PSPC1: variants seen among roughly 807,000 people sequenced by gnomAD.
PSPC1 encodes the protein paraspeckle protein 1.
In PSPC1, 14 loss-of-function variants were observed where a neutral mutation model predicts 51.6. The ratio of observed to expected loss-of-function variants is 0.27; its 90% CI spans 0.18 to 0.42. PSPC1 has a LOEUF of 0.42. Ranked by LOEUF, PSPC1 falls within the 10% of genes least tolerant of loss-of-function variation. PSPC1 has a pLI of 1.00. For synonymous variants in PSPC1, 193 were observed against 231.9 expected (o/e 0.83, Z 1.53); for missense variants, 406 against 701.1 (o/e 0.58, Z 4.75).
At chr13:19,695,062 T>A (rs888041715) in intron 6 of PSPC1, among the ~76,000 whole-genome samples, 30 of 151,972 alleles carry the variant, frequency 2.0e-4, no homozygotes, top group African/African-American at 6.8e-4. Context: ...ACTAAGAGGG[T>A]TTCAAGCACT....
chr13:19,731,753 C>T (rs1454794833), intron 5 of PSPC1, among the ~76,000 whole-genome samples: 2 of 152,092 alleles, frequency 1.3e-5, no homozygotes, highest in East Asian at 3.8e-4. Context: ...TAAAAAAATG[C>T]TCACTGGGGC....
chr13:19,673,544 A>G, downstream of PSPC1: 1 of 186,480 alleles, frequency 5.4e-6, no homozygotes, highest in Non-Finnish European at 1.1e-5. Flanking sequence ...TTTCAACTAA[A>G]TTGAATCATG....
rs17086560 is a variant in PSPC1 at position 19,766,066 on chromosome 13, A to G, written c.674+6176T>C. Among the ~76,000 whole-genome samples, 1,378 of 152,312 alleles carry G rather than the reference A, an allele frequency of 9.0e-3. 15 individuals carry two copies. The highest frequency in any genetic ancestry group is 0.031 in the African/African-American group (1,305 of 41,582). ...CTTCTGCACAGGAAAAGTGTGCAGA[A>G]AAGAGTTTTAAAAAGCAAGCCTGCA... On this transcript the variant is annotated intron_variant, in intron 2 of 8. Transcript: ENST00000338910.
Position 19,782,076 on chromosome 13 carries a change from C to G in PSPC1, c.372+310G>C, listed in dbSNP as rs1890032044. Among the ~76,000 whole-genome samples, 1 of 152,250 alleles carries G rather than the reference C, an allele frequency of 6.6e-6. No homozygotes were observed. The highest frequency in any genetic ancestry group is 6.5e-5 in the Admixed American group (1 of 15,286). ...ACGGGGAACCCGGGAGCGCTCGCTA[C>G]CTGGACAGGGTGCACCATGCCCGAT... On this transcript the variant is annotated intron_variant, in intron 1 of 8. Transcript: ENST00000338910. The surrounding 1 kb of genome is among the most constrained non-coding windows in gnomAD (Gnocchi z 4.5).
At chr13:19,754,453 CT>C (rs67371116) in intron 3 of PSPC1, among the ~76,000 whole-genome samples, 78,004 of 122,424 alleles carry the variant, frequency 0.64, 24,849 homozygotes, top group East Asian at 0.79. Flanking sequence ...TAACTAACTC[CT>C]TTTTTTTTTT....
At chr13:19,747,698 T>C (rs1346782958) in intron 4 of PSPC1, among the ~76,000 whole-genome samples, 3 of 152,188 alleles carry the variant, frequency 2.0e-5, no homozygotes, top group Admixed American at 1.3e-4. Context: ...TAATGACATA[T>C]GCAAATTTTT....
At chr13:19,693,799 T>A (rs1055050105) in intron 6 of PSPC1, among the ~76,000 whole-genome samples, 3 of 152,222 alleles carry the variant, frequency 2.0e-5, no homozygotes, top group Non-Finnish European at 4.4e-5. Flanking sequence ...CTCAGGAAAT[T>A]AATCTCACAC....
chr13:19,743,565 A>G (rs1885647909), intron 4 of PSPC1, among the ~76,000 whole-genome samples: 1 of 152,204 alleles, frequency 6.6e-6, no homozygotes, highest in South Asian at 2.1e-4. Flanking sequence ...ACCTCTCCTT[A>G]TTCCAAAGCT....
At chr13:19,752,862 A>G (rs1886702486) in intron 3 of PSPC1, among the ~76,000 whole-genome samples, 1 of 151,772 alleles carries the variant, frequency 6.6e-6, no homozygotes, top group Non-Finnish European at 1.5e-5. Context: ...CTGGGATTAC[A>G]GGCGTGAGCC....
intron 1 of PSPC1, among the ~76,000 whole-genome samples, chr13:19,774,873 G>T (rs1424766807): frequency 1.4e-5 from 2 of 144,570 alleles, no homozygotes; most frequent in Non-Finnish European, 1.5e-5. Flanking sequence ...ATTTGGGAAA[G>T]AAACAATTTA....
At chr13:19,773,506 G>A (rs982492820) in intron 1 of PSPC1, among the ~76,000 whole-genome samples, 1 of 151,876 alleles carries the variant, frequency 6.6e-6, no homozygotes, top group Non-Finnish European at 1.5e-5. Flanking sequence ...CCAAAGTGCT[G>A]GGATTACAGG....
chr13:19,757,601 G>C (rs1251642646), intron 3 of PSPC1, among the ~76,000 whole-genome samples: 1 of 152,094 alleles, frequency 6.6e-6, no homozygotes, highest in Non-Finnish European at 1.5e-5. Flanking sequence ...CCTCTCCATA[G>C]GACATACACC....
At chr13:19,741,331 A>G (rs1450222731) in intron 5 of PSPC1, among the ~76,000 whole-genome samples, 2 of 152,234 alleles carry the variant, frequency 1.3e-5, no homozygotes, top group Non-Finnish European at 2.9e-5. Flanking sequence ...ATTACATATA[A>G]TAATACCTAA....
At chr13:19,725,280 C>A (rs1883243469) in intron 6 of PSPC1, among the ~76,000 whole-genome samples, 1 of 152,206 alleles carries the variant, frequency 6.6e-6, no homozygotes, top group African/African-American at 2.4e-5. Context: ...ACCATGACTA[C>A]CAATGAACCT....
Position 19,782,079 on chromosome 13 carries a change from G to C in PSPC1, c.372+307C>G, listed in dbSNP as rs913946071. ...GGGAACCCGGGAGCGCTCGCTACCT[G>C]GACAGGGTGCACCATGCCCGATCCA... On this transcript the variant is annotated intron_variant, in intron 1 of 8. Transcript: ENST00000338910. This position sits in a 1 kb window ranked among gnomAD's most constrained non-coding sequence, Gnocchi z 4.5. 1.3e-5 allele frequency among the ~76,000 whole-genome samples: 2 copies of C among 152,246 alleles called. No homozygotes were observed. The highest frequency in any genetic ancestry group is 4.8e-5 in the African/African-American group (2 of 41,478).
chr13:19,730,159 A>T, intron 6 of PSPC1, 80 bp downstream of exon 6: 1 of 1,248,308 alleles, frequency 8.0e-7, no homozygotes, highest in Non-Finnish European at 1.2e-6. Flanking sequence ...TACTGTATAA[A>T]CCAAAATCTA....
chr13:19,682,413 G>A (rs1392102538), intron 6 of PSPC1, among the ~76,000 whole-genome samples: 1 of 144,624 alleles, frequency 6.9e-6, no homozygotes. Context: ...ACAGAAGCTA[G>A]TTAAATAGCA....
intron 4 of PSPC1, among the ~76,000 whole-genome samples, chr13:19,746,896 G>A (rs1385633964): frequency 6.6e-6 from 1 of 152,118 alleles, no homozygotes; most frequent in Non-Finnish European, 1.5e-5. Context: ...GATCACTTGA[G>A]GTCAGGAGTT....
downstream of PSPC1, among the ~76,000 whole-genome samples, chr13:19,700,133 CA>C (rs1271301209): frequency 6.6e-6 from 1 of 152,052 alleles, no homozygotes; most frequent in Non-Finnish European, 1.5e-5. Context: ...TTGTAATGAT[CA>C]ACCTAATCCC....
Sources: gnomAD v4.1 joint callset for allele counts (sites outside exome capture counted in the v4.1 genomes callset) on GRCh38, gnomAD v4.1.1 for gene constraint, Gnocchi (gnomAD v3.1) non-coding constraint, MANE v1.5 for transcripts, NCBI Gene and HGNC (gene_info 2026-07-23, HGNC 2026-07-21) for gene names.